ARMC9: variants seen among roughly 807,000 people sequenced by gnomAD.
ARMC9 encodes armadillo repeat containing 9, also known as lisH domain-containing protein ARMC9.
A neutral mutation model predicts 107.0 loss-of-function variants in ARMC9; 94 were observed. The observed-to-expected ratio is 0.88, with a 90% CI of 0.74 to 1.04. ARMC9 has a LOEUF of 1.04. Among genes scored for constraint, ARMC9 ranks in the 50% least tolerant of loss-of-function variants. The pLI, the probability that ARMC9 is intolerant of heterozygous loss-of-function variation, is 0.00. For missense variants in ARMC9, 942 were observed against 1,030.1 expected (o/e 0.91, Z 1.17); for synonymous variants, 380 against 396.9 (o/e 0.96, Z 0.51).
At chr2:231,281,991 G>A in intron 16 of ARMC9, 68 bp from the exon 17 acceptor site, 2 of 1,443,722 alleles carry the variant, frequency 1.4e-6, no homozygotes, top group East Asian at 2.3e-5. Context: ...CTGAGGTGTG[G>A]TGTTTGATAT....
intron 19 of ARMC9, among the ~76,000 whole-genome samples, chr2:231,308,246 T>G (rs1475605448): frequency 6.6e-6 from 1 of 152,222 alleles, no homozygotes; most frequent in East Asian, 1.9e-4. Context: ...TTCCCTGGCT[T>G]TCTCCCGTGT....
Position 231,360,819 on chromosome 2 carries a change from C to T in ARMC9, c.2197C>T (p.Pro733Ser), listed in dbSNP as rs1169919727. The T allele has an allele frequency of 6.5e-7, 1 of 1,536,096 alleles. No homozygotes were observed. Among genetic ancestry groups the T allele is most frequent in the East Asian group, 2.4e-5 (1 of 40,922 alleles). The change falls in exon 23 of 25, where the codon CCC becomes TCC. Residue 733 changes from proline to serine, a missense_variant. Transcript: ENST00000611582. The surrounding 1 kb of genome is among the most constrained non-coding windows in gnomAD (Gnocchi z 4.7). ...RGRQEEPRPA[P>S]TGTPRQPREA... ...ACGCCAGGAAGAGCCTCGCCCAGCC[C>T]CCACGGGGACCCCCCGCCAGCCAAG...
chr2:231,199,026 G>A (rs1048181381), intron 1 of ARMC9: 1 of 152,198 alleles, frequency 6.6e-6, no homozygotes, highest in Non-Finnish European at 1.5e-5. Context: ...CGGCGCGAGC[G>A]GGTTATCCGG....
chr2:231,200,578 G>T (rs111466875), intron 1 of ARMC9, among the ~76,000 whole-genome samples: 74 of 152,358 alleles, frequency 4.9e-4, no homozygotes, highest in African/African-American at 1.7e-3. Flanking sequence ...GGAGGCTGAG[G>T]CAGGAGAATC....
chr2:231,206,372 C>A, intron 2 of ARMC9, 83 bp downstream of exon 2: 1 of 1,091,358 alleles, frequency 9.2e-7, no homozygotes, highest in Non-Finnish European at 1.4e-6. Flanking sequence ...CTATTTAGTG[C>A]CTTGTAATGT....
intron 24 of ARMC9, chr2:231,370,903 C>T (rs2045992246): frequency 3.0e-6 from 1 of 336,278 alleles, no homozygotes; most frequent in South Asian, 2.2e-5. Context: ...TTTCTTTGGC[C>T]GCCCCCAGCC....
intron 5 of ARMC9, among the ~76,000 whole-genome samples, chr2:231,218,101 T>C (rs1288358589): frequency 6.6e-6 from 1 of 152,190 alleles, no homozygotes; most frequent in Non-Finnish European, 1.5e-5. Flanking sequence ...TCCCATTCAG[T>C]TGTAATTCTG....
rs147375432 is a variant in ARMC9 at position 231,234,843 on chromosome 2, T to G, written c.623-381T>G. ...CTGGTCTCCAACTCCTGGCCTCAAG[T>G]GATCTGCCCGCCTCGGCCTCCCAAA... On this transcript the variant is annotated intron_variant, in intron 7 of 24. Coordinates refer to ENST00000611582, the MANE Select transcript of ARMC9 (RefSeq NM_001352754.2). 1.5e-3 allele frequency among the ~76,000 whole-genome samples: 224 copies of G among 152,322 alleles called. 5 individuals carry two copies. In the East Asian group the frequency reaches 0.037, roughly 25 times the overall value.
chr2:231,326,217 T>C (rs1007432140), intron 19 of ARMC9, among the ~76,000 whole-genome samples: 3 of 152,196 alleles, frequency 2.0e-5, no homozygotes, highest in African/African-American at 7.2e-5. Context: ...TCCAGATTCC[T>C]AGACTCAGAG....
chr2:231,331,721 A>G, intron 19 of ARMC9, 72 bp from the exon 20 acceptor site: 1 of 1,353,056 alleles, frequency 7.4e-7, no homozygotes, highest in Non-Finnish European at 1.0e-6. Flanking sequence ...ACAGCTACAC[A>G]TTCTGGGGAG....
intron 20 of ARMC9, among the ~76,000 whole-genome samples, chr2:231,335,234 G>A (rs1270939767): frequency 6.6e-6 from 1 of 152,196 alleles, no homozygotes; most frequent in Non-Finnish European, 1.5e-5. Context: ...CCTGCAGGGT[G>A]AGAGCTAGTC....
intron 19 of ARMC9, among the ~76,000 whole-genome samples, chr2:231,302,433 G>GTT (rs1322418026): frequency 0.065 from 6,130 of 94,900 alleles, 656 homozygotes; most frequent in Non-Finnish European, 0.089. Context: ...AGCATTGTGG[G>GTT]TTTGTTTTTT....
chr2:231,353,946 A>C (rs2045215448), intron 21 of ARMC9, among the ~76,000 whole-genome samples: 1 of 151,348 alleles, frequency 6.6e-6, no homozygotes, highest in African/African-American at 2.4e-5. Flanking sequence ...GATGTTTTAA[A>C]TCTTTCTGTA....
At chr2:231,256,309 T>C in intron 9 of ARMC9, 2 of 1,555,016 alleles carry the variant, frequency 1.3e-6, no homozygotes, top group Non-Finnish European at 1.7e-6. Flanking sequence ...TGCGCTGAGC[T>C]TGCTTGCTCG....
chr2:231,226,505 A>C (rs1055849419), intron 6 of ARMC9, among the ~76,000 whole-genome samples: 1 of 152,202 alleles, frequency 6.6e-6, no homozygotes, highest in Non-Finnish European at 1.5e-5. Context: ...AGGGGATAGG[A>C]GGCTGTTGAA....
At chr2:231,242,042 G>T (rs1395369585) in intron 9 of ARMC9, among the ~76,000 whole-genome samples, 1 of 152,020 alleles carries the variant, frequency 6.6e-6, no homozygotes, top group African/African-American at 2.4e-5. Context: ...CCACAAGTCC[G>T]CCACATGTGG....
At chr2:231,341,636 TA>T (rs1192353201) in intron 20 of ARMC9, among the ~76,000 whole-genome samples, 2,287 of 101,766 alleles carry the variant, frequency 0.022, 55 homozygotes, top group African/African-American at 0.13. Flanking sequence ...GATAGATAGA[TA>T]GATGATAGAT....
chr2:231,204,655 A>C (rs1487867158), intron 1 of ARMC9, among the ~76,000 whole-genome samples: 1 of 152,034 alleles, frequency 6.6e-6, no homozygotes. Flanking sequence ...AAAATCAAGC[A>C]GTACAAAGGG....
chr2:231,287,611 A>C (rs1160578509), intron 17 of ARMC9, among the ~76,000 whole-genome samples: 2 of 151,910 alleles, frequency 1.3e-5, no homozygotes, highest in East Asian at 3.9e-4. Context: ...TCGAACTCCT[A>C]GGCTCAAGCG....
Sources: allele counts gnomAD v4.1 joint callset (sites outside exome capture counted in the v4.1 genomes callset), GRCh38; gene constraint gnomAD v4.1.1; non-coding constraint Gnocchi (gnomAD v3.1); transcripts MANE v1.5; gene names NCBI Gene and HGNC (gene_info 2026-07-23, HGNC 2026-07-21).